The following PSD3 variants were observed in gnomAD, a reference collection of about 807,000 sequenced individuals.
The protein encoded by PSD3 is pleckstrin and Sec7 domain containing 3, also known as PH and SEC7 domain-containing protein 3.
A neutral mutation model predicts 105.5 loss-of-function variants in PSD3; 49 were observed. The ratio of observed to expected loss-of-function variants is 0.46; its 90% CI spans 0.37 to 0.59. The LOEUF (loss-of-function observed/expected upper bound fraction) is 0.59. PSD3 is among the 20% of genes least tolerant of loss of function. PSD3 has a pLI of 0.00. For missense variants in PSD3, 1,561 were observed against 1,263.8 expected (o/e 1.24, Z -3.57); for synonymous variants, 557 against 457.8 (o/e 1.22, Z -2.77).
intron 2 of PSD3, among the ~76,000 whole-genome samples, chr8:18,875,041 G>A (rs918389195): frequency 1.3e-5 from 2 of 151,946 alleles, no homozygotes; most frequent in African/African-American, 4.8e-5. Context: ...CCAGCCTCTC[G>A]GGTAGCTGGG....
At chr8:18,780,722 T>G (rs1266649921) in intron 8 of PSD3, among the ~76,000 whole-genome samples, 1 of 151,870 alleles carries the variant, frequency 6.6e-6, no homozygotes. Context: ...CCTGGCTAAT[T>G]TTTTTGTATT....
intron 2 of PSD3, among the ~76,000 whole-genome samples, chr8:18,875,417 T>C (rs559190030): frequency 1.0e-3 from 154 of 151,498 alleles, no homozygotes; most frequent in African/African-American, 3.4e-3. Flanking sequence ...GGGTGGAATA[T>C]TGATATTTTA....
In PSD3 at chr8:19,082,931, TTTC is replaced by T. The variant is rs1319524356; in HGVS notation, c.324+1272_324+1274del. ...GCTACTCTGGAGAGCTTTCTCCCCG[TTTC>T]TTAACTGTGGCTACGCAGGCCCTTG... On this transcript the variant is annotated intron_variant, in intron 1 of 1. Coordinates refer to the PSD3 transcript ENST00000521475. Among the ~76,000 whole-genome samples, 6 of 152,204 alleles carry T rather than the reference TTTC, an allele frequency of 3.9e-5. No individual in the cohort carries two copies. The East Asian group carries it at 1.2e-3, about 29-fold the overall frequency.
intron 11 of PSD3, among the ~76,000 whole-genome samples, chr8:18,614,339 A>ACCC (rs1805491698): frequency 3.9e-4 from 30 of 77,196 alleles, no homozygotes; most frequent in African/African-American, 1.4e-3. Context: ...CTTCTCCCCC[A>ACCC]TCCCCCCCCC....
chr8:19,084,016 C>T (rs1829728003), intron 1 of PSD3, among the ~76,000 whole-genome samples: 1 of 152,172 alleles, frequency 6.6e-6, no homozygotes, highest in Non-Finnish European at 1.5e-5. Flanking sequence ...TTTCTGGTGG[C>T]CTGGAAGGTG....
chr8:18,930,434 C>T (rs1423191273), intron 2 of PSD3, among the ~76,000 whole-genome samples: 2 of 152,136 alleles, frequency 1.3e-5, no homozygotes, highest in African/African-American at 2.4e-5. Context: ...ACAGTGAAAC[C>T]GGAGGACAGG....
intron 12 of PSD3, among the ~76,000 whole-genome samples, chr8:18,589,275 T>C (rs779046286): frequency 2.0e-5 from 3 of 152,168 alleles, no homozygotes; most frequent in Admixed American, 6.5e-5. Context: ...CCTAAGAGCA[T>C]GGATAATCTC....
chr8:18,894,681 G>C (rs1208886618), intron 2 of PSD3, among the ~76,000 whole-genome samples: 1 of 152,080 alleles, frequency 6.6e-6, no homozygotes, highest in Non-Finnish European at 1.5e-5. Context: ...AAATACAAAA[G>C]AAATCTTACC....
intron 15 of PSD3, among the ~76,000 whole-genome samples, chr8:18,537,350 C>G (rs150720354): frequency 4.8e-4 from 73 of 152,146 alleles, no homozygotes; most frequent in Middle Eastern, 3.4e-3. Context: ...AGTTCAAAAC[C>G]CACGGCTCTT....
chr8:18,885,781 T>C (rs889534168), intron 2 of PSD3, among the ~76,000 whole-genome samples: 1 of 152,190 alleles, frequency 6.6e-6, no homozygotes, highest in African/African-American at 2.4e-5. Flanking sequence ...TGAAAGTCAG[T>C]TTCCATGGTG....
chr8:18,595,511 A>AC (rs397688101), intron 12 of PSD3, among the ~76,000 whole-genome samples: 6 of 150,862 alleles, frequency 4.0e-5, no homozygotes, highest in Non-Finnish European at 1.5e-5. Context: ...AGAAAAAAAA[A>AC]CCCAAGTATA....
intron 12 of PSD3, among the ~76,000 whole-genome samples, chr8:18,594,965 A>T (rs1350939770): frequency 2.6e-5 from 4 of 152,108 alleles, no homozygotes; most frequent in Non-Finnish European, 5.9e-5. Context: ...AGTGCTGAGC[A>T]TATGTAGGAA....
chr8:18,862,380 T>A (rs2410582), intron 4 of PSD3, among the ~76,000 whole-genome samples: 9,594 of 105,688 alleles, frequency 0.091, 326 homozygotes, highest in Admixed American at 0.16. Context: ...TTGTGGTTTT[T>A]AAAAAAAAAA....
intron 1 of PSD3, among the ~76,000 whole-genome samples, chr8:18,984,670 C>T (rs947338577): frequency 4.7e-4 from 71 of 152,128 alleles, no homozygotes; most frequent in African/African-American, 1.6e-3. Context: ...ATTGTAGCTA[C>T]AAAAATGTTG....
chr8:19,065,145 G>A (rs543868537), intron 1 of PSD3, among the ~76,000 whole-genome samples: 3 of 152,136 alleles, frequency 2.0e-5, no homozygotes, highest in Non-Finnish European at 4.4e-5. Context: ...TGACCAGTCT[G>A]CTTTTTGTTC....
chr8:18,824,368 A>C (rs1813007325), intron 4 of PSD3, among the ~76,000 whole-genome samples: 1 of 152,150 alleles, frequency 6.6e-6, no homozygotes, highest in African/African-American at 2.4e-5. Context: ...GAAATGATAA[A>C]TTTGGAGGCT....
intron 1 of PSD3, among the ~76,000 whole-genome samples, chr8:19,025,885 TC>T (rs1827534166): frequency 6.6e-6 from 1 of 152,174 alleles, no homozygotes. Context: ...GTTAGTCTGT[TC>T]CCACACTACC....
At position 18,915,343 on chromosome 8, in the gene PSD3, T is replaced by C. The variant is rs115754633; in HGVS notation, c.130+20691A>G. 5.4e-3 allele frequency among the ~76,000 whole-genome samples: 829 copies of C among 152,168 alleles called. 10 individuals carry two copies. The highest frequency in any genetic ancestry group is 0.019 in the African/African-American group (771 of 41,508). The stretch of plus-strand genomic sequence containing the variant: ...GGCAATGAAAGGCAAAACAGACAAA[T>C]TGGATTGCATCAAACTAAAAAGCTA... On this transcript the variant is annotated intron_variant, in intron 2 of 15. Transcript: ENST00000327040.
chr8:18,616,833 C>T (rs563933136), intron 11 of PSD3, among the ~76,000 whole-genome samples: 76 of 151,628 alleles, frequency 5.0e-4, no homozygotes, highest in Non-Finnish European at 8.0e-4. Flanking sequence ...CCGTTTTAGC[C>T]GGGATGGTCT....
Sources: allele counts gnomAD v4.1 joint callset (sites outside exome capture counted in the v4.1 genomes callset), GRCh38; gene constraint gnomAD v4.1.1; transcripts MANE v1.5; gene names NCBI Gene and HGNC (gene_info 2026-07-23, HGNC 2026-07-21).